Variants in CTNND2 observed in about 807,000 individuals in gnomAD.
CTNND2 encodes catenin delta-2.
In CTNND2, 22 loss-of-function variants were observed where a neutral mutation model predicts 144.4. The observed-to-expected ratio is 0.15, with a 90% CI of 0.11 to 0.22. The LOEUF is 0.22. Among genes scored for constraint, CTNND2 ranks in the 10% least tolerant of loss-of-function variants. The pLI, the probability that CTNND2 is intolerant of heterozygous loss-of-function variation, is 1.00. For synonymous variants in CTNND2, 751 were observed against 695.6 expected, an observed-to-expected ratio of 1.08 and a Z score of -1.25; for missense variants, 1,353 against 1,618.8, an observed-to-expected ratio of 0.84 and a Z score of 2.82.
At chr5:11,649,258 T>C (rs1478618842) in intron 2 of CTNND2, among the ~76,000 whole-genome samples, 2 of 152,180 alleles carry the variant, frequency 1.3e-5, no homozygotes, top group Non-Finnish European at 2.9e-5. Context: ...AGTCCAAAAT[T>C]TGTACCCTAT....
chr5:11,422,268 A>G lies in CTNND2; in HGVS notation c.288-10199T>C, dbSNP rs533147770. On this transcript the variant is annotated intron_variant, in intron 3 of 21. Coordinates refer to ENST00000304623, the MANE Select transcript of CTNND2 (RefSeq NM_001332.4). ...AGAAACAAAGCAGTCTGTGATTTATAAAAAAAGATGATTTGCTTTAAAACC... is the reference window on the plus strand; with the variant it reads ...AGAAACAAAGCAGTCTGTGATTTATGAAAAAAGATGATTTGCTTTAAAACC... Among the ~76,000 whole-genome samples the G allele has an allele frequency of 2.8e-3, 433 of 152,288 alleles. 2 individuals are homozygous for G. The highest frequency in any genetic ancestry group is 4.6e-3 in the Non-Finnish European group (310 of 68,020).
intron 8 of CTNND2, among the ~76,000 whole-genome samples, chr5:11,364,020 C>T (rs569615492): frequency 6.6e-6 from 1 of 152,302 alleles, no homozygotes; most frequent in South Asian, 2.1e-4. Flanking sequence ...TAAGTGTTCT[C>T]TAGCAATCTA....
At chr5:11,185,572 C>G (rs1044641104) in intron 11 of CTNND2, among the ~76,000 whole-genome samples, 1 of 152,356 alleles carries the variant, frequency 6.6e-6, no homozygotes. Context: ...TTGATGTACA[C>G]AGCTGCCATG....
At chr5:11,770,459 G>A (rs1406517057) in intron 1 of CTNND2, among the ~76,000 whole-genome samples, 3 of 140,458 alleles carry the variant, frequency 2.1e-5, no homozygotes, top group African/African-American at 3.1e-5. Context: ...AAGGAAGGAA[G>A]GAAGGGGTAG....
intron 15 of CTNND2, among the ~76,000 whole-genome samples, chr5:11,095,540 A>G (rs12517839): frequency 0.13 from 20,380 of 152,140 alleles, 1,564 homozygotes; most frequent in African/African-American, 0.22. Context: ...TGAGAAAAAT[A>G]ATCACATTTG....
At chr5:11,283,274 G>A (rs1177366491) in intron 9 of CTNND2, among the ~76,000 whole-genome samples, 2 of 152,000 alleles carry the variant, frequency 1.3e-5, no homozygotes, top group Non-Finnish European at 2.9e-5. Flanking sequence ...CATGCCCAGT[G>A]TACAAGTAAA....
chr5:11,895,587 A>C (rs749240286), intron 1 of CTNND2, among the ~76,000 whole-genome samples: 10 of 152,204 alleles, frequency 6.6e-5, no homozygotes, highest in Non-Finnish European at 1.2e-4. Flanking sequence ...CGAAATCAGC[A>C]AGCAGTAAAA....
At position 11,117,551 on chromosome 5, in the gene CTNND2, C is replaced by T. The variant is rs745818422; in HGVS notation, c.2176G>A (p.Gly726Arg). The T allele has an allele frequency of 1.1e-5, 18 of 1,613,928 alleles. No homozygotes were observed. The highest frequency in any genetic ancestry group is 1.7e-5 in the Admixed American group (1 of 60,008). ...CTCATCCTTCTGCGGGCCTCCTCTC[C>T]GGCCGAACTAACATTCCTGCAAAGC... ...TGCLRNVSSA[G>R]EEARRRMREC... Residue 726 changes from glycine to arginine, a missense_variant, in exon 13 of 22, where the codon GGA becomes AGA. This residue lies in a region of CTNND2 where 459 missense variants were observed against 674.3 expected (regional missense o/e 0.68). Transcript: ENST00000304623.
intron 2 of CTNND2, among the ~76,000 whole-genome samples, chr5:11,621,930 T>A (rs1286427272): frequency 6.6e-6 from 1 of 152,230 alleles, no homozygotes; most frequent in Admixed American, 6.5e-5. Context: ...ACTCTTTGCA[T>A]CTTGCAAATA....
chr5:11,837,859 T>C (rs1794262050), intron 1 of CTNND2, among the ~76,000 whole-genome samples: 1 of 152,194 alleles, frequency 6.6e-6, no homozygotes, highest in Non-Finnish European at 1.5e-5. Flanking sequence ...ATTGAAACTC[T>C]AGGTCATTTT....
chr5:11,234,471 C>A (rs185041534), intron 10 of CTNND2, among the ~76,000 whole-genome samples: 5 of 152,334 alleles, frequency 3.3e-5, no homozygotes, highest in African/African-American at 1.2e-4. Flanking sequence ...TTCAAGGTGA[C>A]TGAGCTGGTA....
At chr5:11,723,563 A>G (rs965461476) in intron 2 of CTNND2, among the ~76,000 whole-genome samples, 1 of 152,208 alleles carries the variant, frequency 6.6e-6, no homozygotes, top group Non-Finnish European at 1.5e-5. Flanking sequence ...TTTTACCACA[A>G]TTAAGCAACG....
At chr5:11,068,731 C>T (rs1042035787) in intron 16 of CTNND2, among the ~76,000 whole-genome samples, 7 of 152,048 alleles carry the variant, frequency 4.6e-5, no homozygotes, top group Admixed American at 2.0e-4. Flanking sequence ...CTGGCTAACA[C>T]GGTGAAACCC....
chr5:11,898,645 A>G (rs1737600020), intron 1 of CTNND2, among the ~76,000 whole-genome samples: 1 of 152,228 alleles, frequency 6.6e-6, no homozygotes, highest in Non-Finnish European at 1.5e-5. Context: ...TAGAAATGTT[A>G]CATATATTTA....
At chr5:11,723,872 C>T (rs1489903133) in intron 2 of CTNND2, among the ~76,000 whole-genome samples, 1 of 151,812 alleles carries the variant, frequency 6.6e-6, no homozygotes, top group African/African-American at 2.4e-5. Flanking sequence ...CTGGCTAGCA[C>T]AGTGAAACCC....
At chr5:11,714,824 G>T (rs1409057392) in intron 2 of CTNND2, among the ~76,000 whole-genome samples, 1 of 151,614 alleles carries the variant, frequency 6.6e-6, no homozygotes, top group African/African-American at 2.4e-5. Flanking sequence ...CAGGAGAATG[G>T]CATGAACCCG....
intron 18 of CTNND2, among the ~76,000 whole-genome samples, chr5:11,004,511 C>T (rs562792901): frequency 1.3e-5 from 2 of 152,284 alleles, no homozygotes; most frequent in South Asian, 4.1e-4. Flanking sequence ...TGCCTGGAAT[C>T]CCAGCACTTT....
chr5:11,087,588 G>A (rs1465428331), intron 15 of CTNND2, among the ~76,000 whole-genome samples: 1 of 152,108 alleles, frequency 6.6e-6, no homozygotes, highest in South Asian at 2.1e-4. Context: ...GTTATGTTAT[G>A]GATTTACATA....
chr5:11,313,405 T>G (rs1357023979), intron 9 of CTNND2, among the ~76,000 whole-genome samples: 1 of 152,200 alleles, frequency 6.6e-6, no homozygotes, highest in African/African-American at 2.4e-5. Context: ...CCCGAGATCC[T>G]CTTCCAAGTC....
Sources: gnomAD v4.1 joint callset for allele counts (sites outside exome capture counted in the v4.1 genomes callset) on GRCh38, gnomAD v4.1.1 for gene constraint, gnomAD v4.1.1 regional missense constraint, MANE v1.5 for transcripts, NCBI Gene and HGNC (gene_info 2026-07-23, HGNC 2026-07-21) for gene names.